Variants in PSEN1 observed in about 807,000 individuals in gnomAD.
PSEN1 encodes presenilin 1.
In PSEN1, 15 loss-of-function variants were observed where a neutral mutation model predicts 53.5. The observed-to-expected ratio is 0.28, with a 90% confidence interval of 0.19 to 0.43. The LOEUF (loss-of-function observed/expected upper bound fraction) is 0.43, where lower values mean the gene tolerates loss of function less well. PSEN1 is among the 20% of genes least tolerant of loss of function. The pLI, the probability that PSEN1 is intolerant of heterozygous loss-of-function variation, is 1.00. For missense variants in PSEN1, 387 were observed against 571.2 expected, an observed-to-expected ratio of 0.68 and a Z score of 3.29; for synonymous variants, 208 against 209.8, an observed-to-expected ratio of 0.99 and a Z score of 0.08.
chr14:73,201,943 C>T (rs1445972456), intron 8 of PSEN1, among the ~76,000 whole-genome samples: 1 of 151,964 alleles, frequency 6.6e-6, no homozygotes, highest in Non-Finnish European at 1.5e-5. Flanking sequence ...GTTGGGGTTT[C>T]GCCACATTGG....
intron 8 of PSEN1, among the ~76,000 whole-genome samples, chr14:73,205,240 G>A (rs2140122553): frequency 6.6e-6 from 1 of 152,220 alleles, no homozygotes; most frequent in Non-Finnish European, 1.5e-5. Flanking sequence ...ACTTTGGGAG[G>A]CTGAGGCGGG....
At chr14:73,191,331 GT>G (rs1439327144) in intron 6 of PSEN1, among the ~76,000 whole-genome samples, 1 of 152,050 alleles carries the variant, frequency 6.6e-6, no homozygotes, top group East Asian at 1.9e-4. Flanking sequence ...GCAACAGTGT[GT>G]TATGCCTATA....
At chr14:73,168,690 A>G (rs941108645) in intron 3 of PSEN1, 2 of 152,354 alleles carry the variant, frequency 1.3e-5, no homozygotes, top group East Asian at 3.9e-4. Flanking sequence ...CCATCGTGCA[A>G]TACAATCTTC....
At chr14:73,195,496 G>A (rs1343169844) in intron 7 of PSEN1, among the ~76,000 whole-genome samples, 3 of 152,054 alleles carry the variant, frequency 2.0e-5, no homozygotes, top group African/African-American at 7.2e-5. Flanking sequence ...CTAGCTATTT[G>A]ACCACACAAG....
At chr14:73,218,116 G>C (rs1242830674) in intron 11 of PSEN1, among the ~76,000 whole-genome samples, 2 of 109,738 alleles carry the variant, frequency 1.8e-5, no homozygotes, top group East Asian at 2.8e-4. Context: ...TTTGGAGACA[G>C]AGTCTTGCTC....
At chr14:73,143,125 A>G (rs906715804) in intron 1 of PSEN1, among the ~76,000 whole-genome samples, 2 of 152,216 alleles carry the variant, frequency 1.3e-5, no homozygotes, top group African/African-American at 2.4e-5. Context: ...ATTGACCGCC[A>G]TGCAATCCTC....
chr14:73,161,569 T>C (rs527792108), intron 3 of PSEN1, among the ~76,000 whole-genome samples: 34 of 152,208 alleles, frequency 2.2e-4, no homozygotes, highest in Admixed American at 1.4e-3. Context: ...AAAAGACACA[T>C]AGGGCAGGGT....
intron 10 of PSEN1, 87 bp downstream of exon 10, chr14:73,212,029 G>C (rs960923858): frequency 3.9e-5 from 40 of 1,020,354 alleles, no homozygotes; most frequent in Non-Finnish European, 5.3e-5. Flanking sequence ...TGAATTGAGA[G>C]TGTTACAGTC....
intron 1 of PSEN1, among the ~76,000 whole-genome samples, chr14:73,138,986 T>C (rs2140487581): frequency 2.1e-5 from 3 of 142,684 alleles, no homozygotes; most frequent in Middle Eastern, 7.8e-3. Context: ...AAAAAAAATG[T>C]AAAAAGAGGC....
chr14:73,208,912 C>A (rs558018349), intron 9 of PSEN1: 1 of 454,670 alleles, frequency 2.2e-6, no homozygotes, highest in East Asian at 7.0e-5. Context: ...CCTGCAGGCC[C>A]ACGGTAAGCT....
intron 10 of PSEN1, among the ~76,000 whole-genome samples, chr14:73,214,799 G>A (rs751137344): frequency 6.6e-6 from 1 of 152,016 alleles, no homozygotes; most frequent in Non-Finnish European, 1.5e-5. Flanking sequence ...ATGAAGGGTC[G>A]TTTAATGGGT....
intron 3 of PSEN1, among the ~76,000 whole-genome samples, chr14:73,159,781 C>T (rs1036416782): frequency 3.3e-5 from 5 of 152,144 alleles, no homozygotes; most frequent in African/African-American, 1.2e-4. Context: ...TCTCTCAGCC[C>T]GTGGCAATAT....
At chr14:73,157,860 C>T (rs1897407633) in intron 3 of PSEN1, among the ~76,000 whole-genome samples, 1 of 151,940 alleles carries the variant, frequency 6.6e-6, no homozygotes, top group Non-Finnish European at 1.5e-5. Flanking sequence ...GTGGCGTGCA[C>T]CTGTAATCTC....
chr14:73,196,287 C>G (rs1033611477), intron 7 of PSEN1, among the ~76,000 whole-genome samples: 4 of 151,914 alleles, frequency 2.6e-5, no homozygotes, highest in Non-Finnish European at 5.9e-5. Context: ...AGTTGAAAAT[C>G]TCATCACTTC....
chr14:73,199,966 C>T (rs368301116), intron 8 of PSEN1, among the ~76,000 whole-genome samples: 23 of 152,186 alleles, frequency 1.5e-4, no homozygotes, highest in African/African-American at 4.6e-4. Context: ...AGGCTGGTCT[C>T]GAACTCCTGA....
At chr14:73,170,486 A>G (rs362354) in intron 3 of PSEN1, among the ~76,000 whole-genome samples, 2,228 of 152,356 alleles carry the variant, frequency 0.015, 44 homozygotes, top group African/African-American at 0.048. Context: ...AGCTGCAGCC[A>G]GTAAACAAGT....
At chr14:73,198,878 A>G (rs1480436246) in intron 8 of PSEN1, among the ~76,000 whole-genome samples, 1 of 152,112 alleles carries the variant, frequency 6.6e-6, no homozygotes, top group Non-Finnish European at 1.5e-5. Context: ...GGCTCAGGTG[A>G]TCCACCCACC....
At chr14:73,155,530 G>T (rs1284894521) in intron 3 of PSEN1, among the ~76,000 whole-genome samples, 2 of 151,744 alleles carry the variant, frequency 1.3e-5, no homozygotes, top group Non-Finnish European at 2.9e-5. Context: ...TTGAGACAGG[G>T]TCTCCTTCTA....
At chr14:73,197,753 C>T in intron 7 of PSEN1, 1 of 428,262 alleles carries the variant, frequency 2.3e-6, no homozygotes, top group Non-Finnish European at 4.3e-6. Context: ...AAGACTTGTT[C>T]CTATACCCCA....
Sources: gnomAD v4.1 joint callset for allele counts (sites outside exome capture counted in the v4.1 genomes callset) on GRCh38, gnomAD v4.1.1 for gene constraint, MANE v1.5 for transcripts, NCBI Gene and HGNC (gene_info 2026-07-23, HGNC 2026-07-21) for gene names.